CNBD1: variants seen among roughly 807,000 people sequenced by gnomAD.
CNBD1 encodes the protein cyclic nucleotide-binding domain-containing protein 1.
Under a neutral mutation model 54.4 loss-of-function variants are expected in CNBD1, and 71 were observed. The observed-to-expected ratio is 1.30, with a 90% CI of 1.08 to 1.59. The LOEUF is 1.59. CNBD1 is among the 40% of genes most tolerant of loss of function. The pLI is 0.00. For synonymous variants in CNBD1, 182 were observed against 170.7 expected, an observed-to-expected ratio of 1.07 and a Z score of -0.51; for missense variants, 659 against 518.0, an observed-to-expected ratio of 1.27 and a Z score of -2.64.
At chr8:87,323,336 G>T (rs1213607955) in intron 8 of CNBD1, among the ~76,000 whole-genome samples, 1 of 133,412 alleles carries the variant, frequency 7.5e-6, no homozygotes, top group Non-Finnish European at 1.6e-5. Context: ...TTCCAATTCT[G>T]TGAAGAAAGT....
At chr8:87,346,207 A>C (rs1379773655) in intron 8 of CNBD1, among the ~76,000 whole-genome samples, 1 of 151,816 alleles carries the variant, frequency 6.6e-6, no homozygotes, top group Non-Finnish European at 1.5e-5. Flanking sequence ...ACGCTCAGCT[A>C]ATTTTGTATT....
intron 4 of CNBD1, among the ~76,000 whole-genome samples, chr8:87,164,387 TA>T (rs1812918908): frequency 6.6e-6 from 1 of 151,904 alleles, no homozygotes; most frequent in Admixed American, 6.6e-5. Context: ...TAATGGTTGG[TA>T]AAATTCACCA....
chr8:87,354,341 G>C (rs918742167), intron 10 of CNBD1, among the ~76,000 whole-genome samples: 5 of 152,050 alleles, frequency 3.3e-5, no homozygotes, highest in African/African-American at 1.2e-4. Context: ...GGGGTACTTG[G>C]TGGATCCCAG....
chr8:87,417,931 A>G (rs1254946468), intron 2 of CNBD1, among the ~76,000 whole-genome samples: 1 of 151,984 alleles, frequency 6.6e-6, no homozygotes, highest in Non-Finnish European at 1.5e-5. Context: ...AAGACATTGT[A>G]TGTTTATGAA....
intron 4 of CNBD1, among the ~76,000 whole-genome samples, chr8:86,998,050 A>C (rs1808914823): frequency 6.6e-6 from 1 of 152,202 alleles, no homozygotes; most frequent in Middle Eastern, 3.4e-3. Flanking sequence ...CATTTCATAA[A>C]ATACTGGTTT....
At chr8:87,389,501 A>C (rs1024626543) in intron 2 of CNBD1, among the ~76,000 whole-genome samples, 1 of 152,190 alleles carries the variant, frequency 6.6e-6, no homozygotes, top group Non-Finnish European at 1.5e-5. Flanking sequence ...CCCATTCACA[A>C]TTGCTTCAAA....
intron 8 of CNBD1, among the ~76,000 whole-genome samples, chr8:87,343,736 C>T (rs78441867): frequency 0.019 from 2,839 of 152,150 alleles, 90 homozygotes; most frequent in African/African-American, 0.062. Flanking sequence ...AAAATATTAA[C>T]TTATTGGCAG....
chr8:86,951,973 A>G (rs1412306978), intron 4 of CNBD1, among the ~76,000 whole-genome samples: 2 of 152,168 alleles, frequency 1.3e-5, no homozygotes, highest in African/African-American at 2.4e-5. Context: ...CTTGCAGACA[A>G]AGGACAAACA....
intron 2 of CNBD1, among the ~76,000 whole-genome samples, chr8:87,421,426 T>A (rs1322250958): frequency 4.4e-5 from 2 of 45,334 alleles, no homozygotes; most frequent in Non-Finnish European, 8.2e-5. Context: ...CCTCCCCCCC[T>A]CCCCCCACCC....
At chr8:87,057,664 C>T (rs181281805) in intron 4 of CNBD1, among the ~76,000 whole-genome samples, 123 of 152,258 alleles carry the variant, frequency 8.1e-4, no homozygotes, top group African/African-American at 2.8e-3. Context: ...GCATGGCCAA[C>T]ATGGTGAAAC....
rs1443535658 is a variant in CNBD1, at chr8:87,274,832, G to T, written c.772-9846G>T. Among the ~76,000 whole-genome samples the T allele has an allele frequency of 1.4e-4, 19 of 134,832 alleles. 4 individuals are homozygous for T. Among genetic ancestry groups the T allele is most frequent in the Non-Finnish European group, 1.3e-4 (8 of 62,858 alleles). 88.5% of individuals were successfully genotyped at this position (134,832 alleles called of 152,430 possible). A position where few individuals can be genotyped will look rare whatever the true frequency, so the allele number is the denominator to read the frequency against. On this transcript the variant is annotated intron_variant, in intron 6 of 10. Coordinates refer to ENST00000518476, the MANE Select transcript of CNBD1 (RefSeq NM_173538.3). ...CCATTGCTTTTGATATTTTAGACAT[G>T]AAGTCCTTGCCCATGCCTATGTCCT... is the stretch of plus-strand genomic sequence containing the variant.
chr8:87,129,715 T>C (rs1390486135), intron 4 of CNBD1, among the ~76,000 whole-genome samples: 1 of 152,208 alleles, frequency 6.6e-6, no homozygotes, highest in Non-Finnish European at 1.5e-5. Context: ...TTTAGCTCTA[T>C]CCATAATTTA....
At chr8:87,214,748 G>A (rs916617194) in intron 5 of CNBD1, among the ~76,000 whole-genome samples, 3 of 152,166 alleles carry the variant, frequency 2.0e-5, no homozygotes, top group Non-Finnish European at 2.9e-5. Flanking sequence ...ATCACACATG[G>A]CAGCAGGCAA....
chr8:87,427,654 T>C (rs1297888848), intron 2 of CNBD1, among the ~76,000 whole-genome samples: 1 of 152,202 alleles, frequency 6.6e-6, no homozygotes, highest in South Asian at 2.1e-4. Context: ...TAATTTAAAA[T>C]GCTTTCATCA....
intron 4 of CNBD1, among the ~76,000 whole-genome samples, chr8:86,949,966 T>TTTG (rs768424787): frequency 0.014 from 1,839 of 127,740 alleles, 334 homozygotes; most frequent in Non-Finnish European, 0.024. Context: ...TTTTTTTTTT[T>TTTG]TTTTTTTTGA....
chr8:86,986,661 C>G (rs1808614516), intron 4 of CNBD1, among the ~76,000 whole-genome samples: 1 of 152,104 alleles, frequency 6.6e-6, no homozygotes, highest in Non-Finnish European at 1.5e-5. Context: ...ACATTTAAAT[C>G]TTTAATCCAT....
intron 4 of CNBD1, among the ~76,000 whole-genome samples, chr8:87,032,677 C>T (rs1010466241): frequency 6.6e-6 from 1 of 152,162 alleles, no homozygotes; most frequent in Admixed American, 6.5e-5. Flanking sequence ...CCTTTTTTCT[C>T]CAAAAATGTT....
chr8:86,882,075 A>G (rs1325209728), intron 1 of CNBD1, among the ~76,000 whole-genome samples: 1 of 152,206 alleles, frequency 6.6e-6, no homozygotes, highest in Non-Finnish European at 1.5e-5. Context: ...CAAACTATAA[A>G]AACCCTGTAA....
At chr8:87,361,001 T>C (rs1044210644) in intron 10 of CNBD1, among the ~76,000 whole-genome samples, 6 of 151,942 alleles carry the variant, frequency 3.9e-5, no homozygotes, top group East Asian at 1.9e-4. Flanking sequence ...AATGATGAGA[T>C]AAGTTATAGC....
Sources: allele counts gnomAD v4.1 joint callset (sites outside exome capture counted in the v4.1 genomes callset), GRCh38; gene constraint gnomAD v4.1.1; transcripts MANE v1.5; gene names NCBI Gene and HGNC (gene_info 2026-07-23, HGNC 2026-07-21).